Variants in SERPINB11 observed in about 807,000 individuals in gnomAD.
SERPINB11 encodes the protein serpin family B member 11.
Under a neutral mutation model 36.7 loss-of-function variants are expected in SERPINB11, and 32 were observed. The observed-to-expected ratio is 0.87, with a 90% CI of 0.66 to 1.17. The LOEUF is 1.17. Among genes scored for constraint, SERPINB11 ranks in the 50% most tolerant of loss-of-function variants. The pLI is 0.00. For synonymous variants in SERPINB11, 174 were observed against 168.1 expected, an observed-to-expected ratio of 1.04 and a Z score of -0.27; for missense variants, 528 against 458.4, an observed-to-expected ratio of 1.15 and a Z score of -1.39.
At chr18:63,710,765 A>T (rs999376215) in intron 2 of SERPINB11, among the ~76,000 whole-genome samples, 1 of 152,232 alleles carries the variant, frequency 6.6e-6, no homozygotes, top group Non-Finnish European at 1.5e-5. Flanking sequence ...ACTTCATAAC[A>T]GTTAGGAATT....
In SERPINB11 at chr18:63,711,223, C is replaced by A. The variant is rs1914513355; in HGVS notation, c.169-112C>A. On this transcript the variant is annotated intron_variant, in intron 2 of 7. Coordinates refer to ENST00000544088, the MANE Select transcript of SERPINB11 (RefSeq NM_001370475.1). Reference sequence around the variant, plus strand: ...CTTGGAACACATTATTAAATGTTAGCTATCACTACTGATCTTGATCTAAAA... The same window carrying A: ...CTTGGAACACATTATTAAATGTTAGATATCACTACTGATCTTGATCTAAAA... The A allele has an allele frequency of 4.0e-6, 3 of 746,708 alleles. No individual in the cohort carries two copies. In the Admixed American group the frequency reaches 7.1e-5, roughly 18 times the overall value. 46.3% of individuals were successfully genotyped at this position (746,708 alleles called of 1,614,324 possible).
At chr18:63,703,564 T>A (rs1221117994) in intron 1 of SERPINB11, among the ~76,000 whole-genome samples, 2 of 152,354 alleles carry the variant, frequency 1.3e-5, no homozygotes, top group East Asian at 3.9e-4. Context: ...AATGAGCATA[T>A]GTGAAATTCA....
intron 1 of SERPINB11, among the ~76,000 whole-genome samples, 158 bp from the exon 2 acceptor site, chr18:63,710,021 A>G (rs1914475540): frequency 6.6e-6 from 1 of 152,228 alleles, no homozygotes; most frequent in Non-Finnish European, 1.5e-5. Context: ...TCCCCTGTCT[A>G]GCATTTACTC....
intron 6 of SERPINB11, 118 bp from the exon 7 acceptor site, chr18:63,720,713 C>T (rs1414186711): frequency 2.9e-6 from 2 of 688,858 alleles, no homozygotes; most frequent in African/African-American, 3.6e-5. Flanking sequence ...TTTGTAGTTT[C>T]TATTTTACCC....
At chr18:63,715,129 G>A (rs953337629) in intron 4 of SERPINB11, among the ~76,000 whole-genome samples, 5 of 152,152 alleles carry the variant, frequency 3.3e-5, no homozygotes, top group African/African-American at 1.2e-4. Flanking sequence ...TTCTACGCTA[G>A]GCACATCTTC....
chr18:63,718,066 T>G (rs1280080295), intron 5 of SERPINB11, among the ~76,000 whole-genome samples: 2 of 152,058 alleles, frequency 1.3e-5, no homozygotes, highest in Non-Finnish European at 2.9e-5. Context: ...AATCCTTTCA[T>G]TATTGCACTG....
chr18:63,705,459 A>T (rs1914347959), intron 1 of SERPINB11: 1 of 152,238 alleles, frequency 6.6e-6, no homozygotes, highest in Non-Finnish European at 1.5e-5. Context: ...TAAACAAATT[A>T]TAAGTGGTGT....
At chr18:63,716,957 A>G (rs1419525262) in intron 5 of SERPINB11, among the ~76,000 whole-genome samples, 1 of 152,148 alleles carries the variant, frequency 6.6e-6, no homozygotes, top group Non-Finnish European at 1.5e-5. Context: ...ATTATCACAA[A>G]GTGAATATAC....
intron 1 of SERPINB11, among the ~76,000 whole-genome samples, chr18:63,706,217 G>A (rs1914369057): frequency 6.6e-6 from 1 of 152,130 alleles, no homozygotes; most frequent in Non-Finnish European, 1.5e-5. Context: ...CAGGATTTGT[G>A]AATTTTCCTA....
rs113111449 is a variant in SERPINB11 at position 63,723,466 on chromosome 18, C to A, written c.*67C>A. 8.9e-6 allele frequency: 13 copies of A among 1,467,448 alleles called. No individual in the cohort carries two copies. In the African/African-American group the frequency reaches 1.7e-4, roughly 19 times the overall value. The allele number at this position is 1,467,448 out of a possible 1,614,324, so 90.9% of individuals were successfully genotyped here. On this transcript the variant is annotated 3_prime_UTR_variant, in exon 8 of 8. Coordinates refer to ENST00000544088, the MANE Select transcript of SERPINB11 (RefSeq NM_001370475.1). ...CAGAGACAATCCTGTGACTTTCCCA[C>A]GGCCAAAAAGCTGTTCACACCTCAC...
intron 1 of SERPINB11, among the ~76,000 whole-genome samples, chr18:63,707,733 T>C (rs911944813): frequency 7.9e-5 from 12 of 152,246 alleles, no homozygotes; most frequent in Non-Finnish European, 2.9e-5. Flanking sequence ...AATTCTCTTC[T>C]TCATTTCTTC....
intron 5 of SERPINB11, among the ~76,000 whole-genome samples, chr18:63,717,356 G>T (rs757727532): frequency 2.6e-5 from 4 of 151,842 alleles, no homozygotes; most frequent in African/African-American, 4.8e-5. Flanking sequence ...CATATCCCTG[G>T]TACACATATG....
intron 5 of SERPINB11, among the ~76,000 whole-genome samples, chr18:63,719,398 T>G (rs1914747236): frequency 6.6e-6 from 1 of 152,110 alleles, no homozygotes; most frequent in Non-Finnish European, 1.5e-5. Context: ...TGTTTCATAT[T>G]GTATAACAGA....
At chr18:63,721,051 G>C (rs1914801592) in intron 7 of SERPINB11, 65 bp downstream of exon 7, 10 of 1,239,104 alleles carry the variant, frequency 8.1e-6, no homozygotes, top group South Asian at 1.4e-5. Flanking sequence ...CACACACACA[G>C]ACACACTGTG....
intron 1 of SERPINB11, among the ~76,000 whole-genome samples, chr18:63,709,478 G>A (rs894721281): frequency 6.6e-6 from 1 of 152,192 alleles, no homozygotes; most frequent in East Asian, 1.9e-4. Context: ...GGGCGTGGTG[G>A]CAGGCGCCTG....
intron 4 of SERPINB11, among the ~76,000 whole-genome samples, chr18:63,714,331 G>A (rs1378146558): frequency 6.6e-6 from 1 of 152,086 alleles, no homozygotes; most frequent in African/African-American, 2.4e-5. Flanking sequence ...GAGCATCGGG[G>A]CAAAATTAAA....
rs1914860385 is a variant in SERPINB11 at position 63,723,099 on chromosome 18, T to A, written c.879T>A (p.Thr293=). Residue 293 remains threonine (T), a synonymous_variant, in exon 8 of 8, where the codon ACT becomes ACA. Transcript: ENST00000544088. ...EVHLPRFKLE[T]KYELNSLLKS... ...ACCTCCCCCGATTCAAACTTGAAAC[T>A]AAGTATGAGCTAAATTCCCTGTTAA... The A allele has an allele frequency of 6.2e-7, 1 of 1,605,008 alleles. No individual in the cohort carries two copies. The highest frequency in any genetic ancestry group is 1.3e-5 in the African/African-American group (1 of 74,856).
At chr18:63,713,649 T>A (rs75638664) in intron 4 of SERPINB11, among the ~76,000 whole-genome samples, 1 of 152,026 alleles carries the variant, frequency 6.6e-6, no homozygotes, top group African/African-American at 2.4e-5. Context: ...ATTCAGAGAG[T>A]ATTTTCTTTT....
chr18:63,721,053 C>G, intron 7 of SERPINB11, 67 bp downstream of exon 7: 1 of 1,254,222 alleles, frequency 8.0e-7, no homozygotes. Flanking sequence ...CACACACAGA[C>G]ACACTGTGTA....
Sources: gnomAD v4.1 joint callset for allele counts (sites outside exome capture counted in the v4.1 genomes callset) on GRCh38, gnomAD v4.1.1 for gene constraint, MANE v1.5 for transcripts, NCBI Gene and HGNC (gene_info 2026-07-23, HGNC 2026-07-21) for gene names.